Variants in RACK1 observed in about 807,000 individuals in gnomAD.
RACK1 encodes the protein small ribosomal subunit protein RACK1.
RACK1 carries 3 observed loss-of-function variants against 42.2 expected under a neutral mutation model. That is an observed-to-expected ratio of 0.07 (90% CI 0.03 to 0.18). The LOEUF (loss-of-function observed/expected upper bound fraction) is 0.18, where lower values mean the gene tolerates loss of function less well. RACK1 is among the 10% of genes least tolerant of loss of function. The pLI is 1.00. For synonymous variants in RACK1, 181 were observed against 154.8 expected (o/e 1.17, Z -1.25); for missense variants, 146 against 403.2 (o/e 0.36, Z 5.46).
chr5:181,237,664 C>G lies in RACK1; in HGVS notation c.833G>C (p.Ser278Thr), dbSNP rs1759191700. 3 of 1,613,370 alleles carry G rather than the reference C, an allele frequency of 1.9e-6. No homozygotes were observed. Among genetic ancestry groups the G allele is most frequent in the Non-Finnish European group, 2.5e-6 (3 of 1,179,252 alleles). ...GCACTGGGGTGGTTCTGCCTTGCTG[C>G]TGGTACTGATAACTTCTTGCTTCAG... ...DELKQEVIST[S>T]SKAEPPQCTS... Residue 278 changes from serine to threonine, a missense_variant, in exon 7 of 8, where the codon AGC becomes ACC. Coordinates refer to ENST00000512805, the MANE Select transcript of RACK1 (RefSeq NM_006098.5).
rs778452699 is a variant in RACK1 at position 181,237,011 on chromosome 5, A to G, written c.920T>C (p.Val307Ala). Reference protein sequence around the residue: ...TLFAGYTDNLVRVWQVTIGTR With the variant: ...TLFAGYTDNLARVWQVTIGTR ...GCCAATGGTCACCTGCCACACTCGC[A>G]CCAGGTTGTCCGTGTAGCCAGCAAA... Residue 307 changes from valine to alanine, a missense_variant, in exon 8 of 8, where the codon GTG becomes GCG. Val to Ala is a moderately conservative substitution (Grantham distance 64). Transcript: ENST00000512805. 3 of 1,614,080 alleles carry G rather than the reference A, an allele frequency of 1.9e-6. No individual in the cohort carries two copies. The highest frequency in any genetic ancestry group is 2.5e-6 in the Non-Finnish European group (3 of 1,180,008).
At chr5:181,242,423 C>A in intron 1 of RACK1, 78 bp from the exon 2 acceptor site, 2 of 985,016 alleles carry the variant, frequency 2.0e-6, no homozygotes, top group South Asian at 2.9e-5. Context: ...CACTAAGTGT[C>A]AAGGTCATGA....
intron 5 of RACK1, chr5:181,238,528 GGT>G: frequency 2.7e-5 from 10 of 375,866 alleles, no homozygotes; most frequent in South Asian, 2.4e-4. Context: ...CTTTAGGCTG[GGT>G]GCGGTGGCTC....
At chr5:181,241,300 C>T (rs548625096) in intron 3 of RACK1, 192 bp downstream of exon 3, 54 of 552,578 alleles carry the variant, frequency 9.8e-5, no homozygotes, top group African/African-American at 5.3e-4. Context: ...GTGGTGGCTG[C>T]GCACCTGTAG....
intron 7 of RACK1, 150 bp from the exon 8 acceptor site, chr5:181,237,192 C>G: frequency 1.4e-6 from 2 of 1,426,726 alleles, no homozygotes; most frequent in East Asian, 5.0e-5. Flanking sequence ...TCACTACAGC[C>G]TTAAGCCCCT....
At chr5:181,243,019 CAGAAATGT>C in intron 1 of RACK1, 1 of 347,868 alleles carries the variant, frequency 2.9e-6, no homozygotes, top group South Asian at 2.1e-5. Flanking sequence ...TGAGGGCCGA[CAGAAATGT>C]AGTAATGAAT....
At chr5:181,237,455 C>T in intron 7 of RACK1, 154 bp downstream of exon 7, 1 of 669,474 alleles carries the variant, frequency 1.5e-6, no homozygotes, top group Non-Finnish European at 2.7e-6. Flanking sequence ...CATTCACTGG[C>T]ATGGCAAACG....
intron 3 of RACK1, chr5:181,240,321 C>G (rs994874124): frequency 6.4e-6 from 1 of 155,530 alleles, no homozygotes; most frequent in Non-Finnish European, 1.4e-5. Context: ...CACTACTGCA[C>G]TCCAGCCTGG....
chr5:181,243,699 G>C lies in RACK1; in HGVS notation c.102C>G (p.Ala34=). Residue 34 remains alanine (A), a synonymous_variant, in exon 1 of 8, where the codon GCC becomes GCG. Coordinates refer to ENST00000512805, the MANE Select transcript of RACK1 (RefSeq NM_006098.5). The part of the protein sequence containing the change: ...TPQFPDMILS[A]SRDKTIIMWK... ...ATCTACCTTAGTCCGTACCTCGAGAGGCGGAGAGGATCATGTCCGGGAACT... is the reference window on the plus strand; with the variant it reads ...ATCTACCTTAGTCCGTACCTCGAGACGCGGAGAGGATCATGTCCGGGAACT... 1 of 1,603,926 alleles carries C rather than the reference G, an allele frequency of 6.2e-7. No individual in the cohort carries two copies. Among genetic ancestry groups the C allele is most frequent in the Non-Finnish European group, 8.5e-7 (1 of 1,175,356 alleles).
chr5:181,238,032 A>G lies in RACK1; in HGVS notation c.777+67T>C, dbSNP rs973022167. 3.8e-6 allele frequency: 6 copies of G among 1,564,126 alleles called. No homozygotes were observed. In the African/African-American group the frequency reaches 5.4e-5, roughly 14 times the overall value. On this transcript the variant is annotated intron_variant, in intron 6 of 7. Coordinates refer to ENST00000512805, the MANE Select transcript of RACK1 (RefSeq NM_006098.5). ...CAGGTGGGAGTCAGATGGCATATATAATAACCAAAACATTGCCAGGGCTCA... is the reference window on the plus strand; with the variant it reads ...CAGGTGGGAGTCAGATGGCATATATGATAACCAAAACATTGCCAGGGCTCA...
At chr5:181,242,569 T>G (rs1759385286) in intron 1 of RACK1, 1 of 619,710 alleles carries the variant, frequency 1.6e-6, no homozygotes, top group African/African-American at 1.8e-5. Flanking sequence ...TAACTTTTTT[T>G]TTTCTTGAGA....
At chr5:181,237,445 C>CA (rs1292212913) in intron 7 of RACK1, 164 bp downstream of exon 7, 3 of 668,828 alleles carry the variant, frequency 4.5e-6, no homozygotes, top group Middle Eastern at 2.4e-4. Context: ...TGCAGAAACA[C>CA]ATTCACTGGC....
intron 2 of RACK1, 34 bp downstream of exon 2, chr5:181,242,140 C>T (rs981259957): frequency 6.3e-7 from 1 of 1,585,584 alleles, no homozygotes; most frequent in Non-Finnish European, 8.6e-7. Flanking sequence ...CAGATTCTTC[C>T]CAAGGCCCCA....
At chr5:181,238,918 T>C (rs745593551) in intron 5 of RACK1, 149 bp downstream of exon 5, 6 of 735,478 alleles carry the variant, frequency 8.2e-6, no homozygotes. Context: ...AAGTAATCTT[T>C]GGAAACATAT....
At chr5:181,239,790 G>A (rs967655778) in intron 3 of RACK1, among the ~76,000 whole-genome samples, 21 of 152,184 alleles carry the variant, frequency 1.4e-4, no homozygotes, top group Non-Finnish European at 2.8e-4. Context: ...AGAAGCTCAC[G>A]CCTCTAATCC....
intron 6 of RACK1, 59 bp downstream of exon 6, chr5:181,238,040 A>C: frequency 6.3e-7 from 1 of 1,590,790 alleles, no homozygotes; most frequent in Admixed American, 1.7e-5. Flanking sequence ...ATAATAACCA[A>C]AACATTGCCA....
chr5:181,243,366 G>A (rs1410135874), intron 1 of RACK1: 4 of 1,394,668 alleles, frequency 2.9e-6, no homozygotes, highest in South Asian at 1.1e-5. Context: ...GCATGTTGGG[G>A]TCATCACCGC....
intron 1 of RACK1, 126 bp from the exon 2 acceptor site, chr5:181,242,471 G>A (rs1244718514): frequency 7.3e-6 from 5 of 684,830 alleles, no homozygotes; most frequent in African/African-American, 7.1e-5. Context: ...AAGGAGGGAT[G>A]GAAACAACAG....
At chr5:181,242,458 C>T in intron 1 of RACK1, 113 bp from the exon 2 acceptor site, 2 of 716,644 alleles carry the variant, frequency 2.8e-6, no homozygotes, top group Middle Eastern at 4.7e-4. Flanking sequence ...ACTAAGGACG[C>T]TTAAGGAGGG....
Sources: allele counts gnomAD v4.1 joint callset (sites outside exome capture counted in the v4.1 genomes callset), GRCh38; gene constraint gnomAD v4.1.1; transcripts MANE v1.5; gene names NCBI Gene and HGNC (gene_info 2026-07-23, HGNC 2026-07-21).